The following HECW1 variants were observed in gnomAD, a reference collection of about 807,000 sequenced individuals.
HECW1 encodes the protein E3 ubiquitin-protein ligase HECW1.
Under a neutral mutation model 182.3 loss-of-function variants are expected in HECW1, and 61 were observed. The ratio of observed to expected loss-of-function variants is 0.33; its 90% confidence interval spans 0.27 to 0.41. The LOEUF is 0.41. Ranked by LOEUF, HECW1 falls within the 10% of genes least tolerant of loss-of-function variation. The probability of loss-of-function intolerance (pLI) is 1.00; values close to 1 mark genes in which losing one functional copy is unlikely to be tolerated. For missense variants in HECW1, 1,739 were observed against 2,108.9 expected (o/e 0.82, Z 3.44); for synonymous variants, 859 against 832.6 (o/e 1.03, Z -0.55).
intron 6 of HECW1, among the ~76,000 whole-genome samples, chr7:43,388,917 G>T (rs2074909760): frequency 6.6e-6 from 1 of 152,216 alleles, no homozygotes; most frequent in Admixed American, 6.5e-5. Flanking sequence ...CAGAGGGTGG[G>T]ATGATGACCC....
At chr7:43,164,083 T>G (rs1583772591) in intron 2 of HECW1, among the ~76,000 whole-genome samples, 1 of 151,126 alleles carries the variant, frequency 6.6e-6, no homozygotes, top group Non-Finnish European at 1.5e-5. Context: ...CAGGCTTGGG[T>G]GGAGGTAGTG....
chr7:43,213,511 T>A (rs1157453624), intron 2 of HECW1, among the ~76,000 whole-genome samples: 1 of 149,542 alleles, frequency 6.7e-6, no homozygotes, highest in East Asian at 2.0e-4. Flanking sequence ...AGTGGCGTGA[T>A]CTCGGCTCAC....
In HECW1 at chr7:43,444,366, G is replaced by A. The variant is rs1483941787; in HGVS notation, c.1194G>A (p.Glu398=). ...SESWKPEQLG[E]GSVPDGPGNQ... ...GCTGGAAGCCAGAGCAGCTGGGTGA[G>A]GGCAGTGTCCCCGATGGTCCAGGGA... Residue 398 remains glutamate (E), a synonymous_variant, in exon 11 of 30, where the codon GAG becomes GAA. Coordinates refer to ENST00000395891, the MANE Select transcript of HECW1 (RefSeq NM_015052.5). This position sits in a 1 kb window ranked among gnomAD's most constrained non-coding sequence, Gnocchi z 4.3. 6.2e-7 allele frequency: 1 copy of A among 1,614,000 alleles called. No homozygotes were observed. Among genetic ancestry groups the A allele is most frequent in the Non-Finnish European group, 8.5e-7 (1 of 1,180,020 alleles).
At chr7:43,317,518 A>G (rs1809476744) in intron 4 of HECW1, among the ~76,000 whole-genome samples, 2 of 152,258 alleles carry the variant, frequency 1.3e-5, no homozygotes, top group African/African-American at 4.8e-5. Context: ...CCCTTTCTGC[A>G]TAAAATATGT....
chr7:43,242,564 G>A (rs779088274), intron 2 of HECW1, among the ~76,000 whole-genome samples: 18 of 152,168 alleles, frequency 1.2e-4, no homozygotes, highest in Non-Finnish European at 2.5e-4. Context: ...GGGTGGCTGC[G>A]CAAAGCTCCA....
chr7:43,250,774 AT>A (rs1432834747), intron 3 of HECW1, among the ~76,000 whole-genome samples: 1 of 152,150 alleles, frequency 6.6e-6, no homozygotes, highest in African/African-American at 2.4e-5. Context: ...TTTATTAATG[AT>A]TTTTTAAATA....
intron 17 of HECW1, among the ~76,000 whole-genome samples, chr7:43,486,642 A>C (rs1337675066): frequency 2.0e-5 from 3 of 152,212 alleles, no homozygotes; most frequent in African/African-American, 7.2e-5. Context: ...ACATTGTGAC[A>C]GCTATGACAT....
At position 43,112,687 on chromosome 7, in the gene HECW1, C is replaced by G. The variant is rs979404540; in HGVS notation, c.-517C>G. The G allele has an allele frequency of 4.3e-6, 1 of 230,580 alleles. No homozygotes were observed. Among genetic ancestry groups the G allele is most frequent in the Non-Finnish European group, 8.6e-6 (1 of 116,148 alleles). The allele number at this position is 230,580 out of a possible 1,614,324, so 14.3% of individuals were successfully genotyped here. ...GTTGGAGCCGGAACACCGTGCGACT[C>G]TGACCGAACCGGCCCCCTCCTCGCG... is the stretch of plus-strand genomic sequence containing the variant. On this transcript the variant is annotated 5_prime_UTR_variant, in exon 1 of 30. Coordinates refer to ENST00000395891, the MANE Select transcript of HECW1 (RefSeq NM_015052.5).
rs1372189565 is a variant in HECW1 at position 43,243,146 on chromosome 7, G to T, written c.-31-729G>T. 3.3e-5 allele frequency among the ~76,000 whole-genome samples: 5 copies of T among 152,164 alleles called. No individual in the cohort carries two copies. The highest frequency in any genetic ancestry group is 9.7e-5 in the African/African-American group (4 of 41,438). On this transcript the variant is annotated intron_variant, in intron 2 of 29. Transcript: ENST00000395891. The surrounding 1 kb of genome is among the most constrained non-coding windows in gnomAD (Gnocchi z 4.0). The stretch of plus-strand genomic sequence containing the variant: ...GACTGTAACTCCCAAGGAAGATGAG[G>T]TTATAAAATCAGAATAAAGACGTAT...
intron 5 of HECW1, among the ~76,000 whole-genome samples, chr7:43,328,234 G>A (rs533651706): frequency 1.6e-3 from 239 of 152,216 alleles, no homozygotes; most frequent in African/African-American, 5.3e-3. Context: ...AGCTGAGATG[G>A]GAGAATCACT....
chr7:43,140,642 G>A (rs935509965), intron 2 of HECW1, among the ~76,000 whole-genome samples: 12 of 152,192 alleles, frequency 7.9e-5, no homozygotes, highest in Admixed American at 4.6e-4. Flanking sequence ...TCAATATATC[G>A]TGCTCAGTAT....
intron 29 of HECW1, among the ~76,000 whole-genome samples, chr7:43,557,602 G>A (rs2082072933): frequency 6.6e-6 from 1 of 152,196 alleles, no homozygotes; most frequent in Non-Finnish European, 1.5e-5. Flanking sequence ...CACACAGTCT[G>A]GTAGGAGGAC....
chr7:43,198,378 C>A (rs549472371), intron 2 of HECW1, among the ~76,000 whole-genome samples: 5 of 149,814 alleles, frequency 3.3e-5, no homozygotes, highest in Non-Finnish European at 7.4e-5. Flanking sequence ...CTCACACACA[C>A]GTCTTACACA....
At chr7:43,198,148 TCA>T (rs1794648592) in intron 2 of HECW1, among the ~76,000 whole-genome samples, 1 of 139,782 alleles carries the variant, frequency 7.2e-6, no homozygotes, top group African/African-American at 2.7e-5. Flanking sequence ...CCACACTCTC[TCA>T]CACTCATACT....
At chr7:43,550,669 A>G in intron 27 of HECW1, 78 bp downstream of exon 27, 1 of 1,404,412 alleles carries the variant, frequency 7.1e-7, no homozygotes. Context: ...AGGCTCCCTG[A>G]GGGAGCAGCA....
chr7:43,289,611 G>A (rs1238434150), intron 3 of HECW1, among the ~76,000 whole-genome samples: 1 of 152,240 alleles, frequency 6.6e-6, no homozygotes. Context: ...TCAGGCATAT[G>A]CCCATTGGCC....
At position 43,488,418 on chromosome 7, in the gene HECW1, G is replaced by GAAAGAAAGAA. The variant is rs1563045561; in HGVS notation, c.3235-3656_3235-3655insAAGAAAGAAA. Among the ~76,000 whole-genome samples, 8 of 85,032 alleles carry GAAAGAAAGAA rather than the reference G, an allele frequency of 9.4e-5. 1 individual carries two copies. Among genetic ancestry groups the GAAAGAAAGAA allele is most frequent in the African/African-American group, 2.5e-4 (6 of 23,600 alleles). The allele number at this position is 85,032 out of a possible 152,430, so 55.8% of individuals were successfully genotyped here. On this transcript the variant is annotated intron_variant, in intron 17 of 29. Coordinates refer to ENST00000395891, the MANE Select transcript of HECW1 (RefSeq NM_015052.5). ...AGGAAGGAAATGAAAGAAAGAGAGA[G>GAAAGAAAGAA]AGAGAAAGAAAGAAAGAGAAAGAAA... is the stretch of plus-strand genomic sequence containing the variant.
Position 43,444,289 on chromosome 7 carries a change from A to G in HECW1, c.1117A>G (p.Met373Val). ...TCAGGACAGCCCCATGAACAACCTG[A>G]TGGAAAGCGGCAGTGGGGAACCTCG... ...QIQDSPMNNL[M>V]ESGSGEPRSE... The change falls in exon 11 of 30, where the codon ATG (methionine) becomes GTG (valine). Residue 373 changes from methionine (M) to valine (V), a missense_variant. Transcript: ENST00000395891. The surrounding 1 kb of genome is among the most constrained non-coding windows in gnomAD (Gnocchi z 4.3). 1 of 1,614,176 alleles carries G rather than the reference A, an allele frequency of 6.2e-7. No homozygotes were observed.
chr7:43,497,267 T>A (rs1444020696), intron 19 of HECW1, among the ~76,000 whole-genome samples: 1 of 151,900 alleles, frequency 6.6e-6, no homozygotes, highest in Non-Finnish European at 1.5e-5. Context: ...AAAGCTTAGA[T>A]GTAGGTGAAA....
Sources: gnomAD v4.1 joint callset for allele counts (sites outside exome capture counted in the v4.1 genomes callset) on GRCh38, gnomAD v4.1.1 for gene constraint, Gnocchi (gnomAD v3.1) non-coding constraint, MANE v1.5 for transcripts, NCBI Gene and HGNC (gene_info 2026-07-23, HGNC 2026-07-21) for gene names.